Variants in CTNNA2 observed in about 807,000 individuals in gnomAD.
CTNNA2 encodes the protein catenin alpha-2.
A neutral mutation model predicts 101.0 loss-of-function variants in CTNNA2; 42 were observed. The ratio of observed to expected loss-of-function variants is 0.42; its 90% CI spans 0.32 to 0.54. The LOEUF is 0.54. Among genes scored for constraint, CTNNA2 ranks in the 20% least tolerant of loss-of-function variants. The pLI is 0.14. For synonymous variants in CTNNA2, 450 were observed against 456.4 expected (o/e 0.99, Z 0.18); for missense variants, 871 against 1,223.1 (o/e 0.71, Z 4.29).
intron 2 of CTNNA2, among the ~76,000 whole-genome samples, chr2:79,661,931 A>C (rs17017446): frequency 0.04 from 6,081 of 152,006 alleles, 389 homozygotes; most frequent in African/African-American, 0.14. Context: ...CCTAAGGAAA[A>C]TGTGGACTGA....
intron 7 of CTNNA2, among the ~76,000 whole-genome samples, chr2:80,382,784 G>A (rs762651768): frequency 4.6e-5 from 7 of 152,198 alleles, no homozygotes; most frequent in Non-Finnish European, 1.0e-4. Context: ...TTTTGAGATG[G>A]TAGAAAAATG....
At chr2:80,471,219 G>T (rs1384873656) in intron 9 of CTNNA2, among the ~76,000 whole-genome samples, 1 of 152,258 alleles carries the variant, frequency 6.6e-6, no homozygotes, top group Middle Eastern at 3.4e-3. Flanking sequence ...TGAGTAGGGG[G>T]CCCTTTGTAA....
intron 2 of CTNNA2, among the ~76,000 whole-genome samples, chr2:79,670,110 G>A (rs1048842469): frequency 6.6e-6 from 1 of 152,200 alleles, no homozygotes; most frequent in African/African-American, 2.4e-5. Flanking sequence ...AGATGCCCCA[G>A]TCCTGTGCCT....
At chr2:80,153,431 C>T (rs1703823176) in intron 7 of CTNNA2, among the ~76,000 whole-genome samples, 1 of 152,186 alleles carries the variant, frequency 6.6e-6, no homozygotes. Context: ...TAATGCCTCA[C>T]ACTGACAAAA....
chr2:79,784,689 A>G (rs1674704169), intron 3 of CTNNA2, among the ~76,000 whole-genome samples: 1 of 151,858 alleles, frequency 6.6e-6, no homozygotes, highest in African/African-American at 2.4e-5. Flanking sequence ...TCTACCTTCA[A>G]TATGTACTCA....
At chr2:79,987,334 T>C (rs1227505076) in intron 7 of CTNNA2, among the ~76,000 whole-genome samples, 1 of 152,214 alleles carries the variant, frequency 6.6e-6, no homozygotes, top group Non-Finnish European at 1.5e-5. Context: ...GTCCTGATTT[T>C]CTAGCATCTC....
At chr2:79,674,438 C>T (rs1266134402) in intron 2 of CTNNA2, among the ~76,000 whole-genome samples, 1 of 152,090 alleles carries the variant, frequency 6.6e-6, no homozygotes, top group Non-Finnish European at 1.5e-5. Flanking sequence ...TTTCTATTGT[C>T]TAATCCAGGA....
Position 79,317,816 on chromosome 2 carries a change from C to T in CTNNA2, c.-318+5020C>T, listed in dbSNP as rs180786533. Among the ~76,000 whole-genome samples the T allele has an allele frequency of 7.2e-4, 110 of 151,998 alleles. 1 individual carries two copies. The highest frequency in any genetic ancestry group is 2.5e-3 in the African/African-American group (105 of 41,492). ...ACCTTTTTATGATTTTATGTTAATA[C>T]ATTAATATAGTAAGTATTGAAAAAT... On this transcript the variant is annotated intron_variant, in intron 3 of 21. Transcript: ENST00000466387.
chr2:79,771,714 G>A (rs1426174112), intron 3 of CTNNA2, among the ~76,000 whole-genome samples: 2 of 152,208 alleles, frequency 1.3e-5, no homozygotes, highest in African/African-American at 4.8e-5. Context: ...ATGAGGAGTG[G>A]CTGTAAATAA....
At chr2:79,459,984 G>A (rs931708555) in intron 4 of CTNNA2, among the ~76,000 whole-genome samples, 1 of 151,994 alleles carries the variant, frequency 6.6e-6, no homozygotes, top group Non-Finnish European at 1.5e-5. Flanking sequence ...CCCAGGGTGG[G>A]GACTTGGTCT....
chr2:80,330,056 C>T (rs1300526540), intron 7 of CTNNA2, among the ~76,000 whole-genome samples: 1 of 152,242 alleles, frequency 6.6e-6, no homozygotes, highest in Admixed American at 6.5e-5. Flanking sequence ...AGTCTGGTCC[C>T]TTCCTACCAG....
chr2:79,615,224 G>T (rs1678537854), intron 1 of CTNNA2, among the ~76,000 whole-genome samples: 1 of 151,306 alleles, frequency 6.6e-6, no homozygotes, highest in Non-Finnish European at 1.5e-5. Context: ...TCAGCTTTTA[G>T]TGTGATCTGA....
chr2:80,045,902 A>T (rs1696489688), intron 7 of CTNNA2, among the ~76,000 whole-genome samples: 1 of 152,164 alleles, frequency 6.6e-6, no homozygotes, highest in Non-Finnish European at 1.5e-5. Context: ...GACAGTCACT[A>T]TTGTGGCTGC....
chr2:80,189,504 A>G (rs1706340525), intron 7 of CTNNA2, among the ~76,000 whole-genome samples: 1 of 152,238 alleles, frequency 6.6e-6, no homozygotes. Flanking sequence ...TTTGGCAGCC[A>G]TCGTCAAAGT....
At chr2:79,881,589 G>A (rs1683429139) in intron 6 of CTNNA2, among the ~76,000 whole-genome samples, 1 of 151,882 alleles carries the variant, frequency 6.6e-6, no homozygotes, top group Non-Finnish European at 1.5e-5. Context: ...TTTTGATCTT[G>A]TAGGTTTAAA....
chr2:80,121,618 C>A (rs78008278), intron 7 of CTNNA2, among the ~76,000 whole-genome samples: 2,769 of 152,194 alleles, frequency 0.018, 70 homozygotes, highest in African/African-American at 0.059. Flanking sequence ...AGTGGAGTTT[C>A]GTGATTCTCC....
intron 7 of CTNNA2, among the ~76,000 whole-genome samples, chr2:80,209,831 G>A (rs1034946377): frequency 1.2e-4 from 18 of 152,126 alleles, no homozygotes; most frequent in African/African-American, 3.9e-4. Context: ...GCGAAAACCC[G>A]AATGCTAGCA....
At chr2:79,447,426 T>C (rs1678846907) in intron 4 of CTNNA2, among the ~76,000 whole-genome samples, 1 of 152,000 alleles carries the variant, frequency 6.6e-6, no homozygotes, top group African/African-American at 2.4e-5. Context: ...ATATTCCTGC[T>C]CTCTTCCCAG....
chr2:79,901,759 T>C (rs1685081242), intron 6 of CTNNA2, among the ~76,000 whole-genome samples: 1 of 152,236 alleles, frequency 6.6e-6, no homozygotes, highest in African/African-American at 2.4e-5. Context: ...CTAAAAGTCT[T>C]TGAAACATAA....
Sources: gnomAD v4.1 joint callset for allele counts (sites outside exome capture counted in the v4.1 genomes callset) on GRCh38, gnomAD v4.1.1 for gene constraint, MANE v1.5 for transcripts, NCBI Gene and HGNC (gene_info 2026-07-23, HGNC 2026-07-21) for gene names.